KCNU1: variants seen among roughly 807,000 people sequenced by gnomAD.
KCNU1 encodes the protein potassium channel subfamily U member 1.
In KCNU1, 93 loss-of-function variants were observed where a neutral mutation model predicts 126.8. The ratio of observed to expected loss-of-function variants is 0.73; its 90% CI spans 0.62 to 0.87. KCNU1 has a LOEUF of 0.87. Among genes scored for constraint, KCNU1 ranks in the 40% least tolerant of loss-of-function variants. The pLI is 0.00. For synonymous variants in KCNU1, 523 were observed against 494.2 expected, an observed-to-expected ratio of 1.06 and a Z score of -0.77; for missense variants, 1,330 against 1,367.1, an observed-to-expected ratio of 0.97 and a Z score of 0.43.
chr8:36,795,946 C>G (rs913633474), intron 2 of KCNU1: 3 of 152,242 alleles, frequency 2.0e-5, no homozygotes, highest in Non-Finnish European at 4.4e-5. Context: ...TCTTGCACAG[C>G]CTTCACCATG....
At chr8:36,934,375 G>A (rs1808792385) in intron 26 of KCNU1, among the ~76,000 whole-genome samples, 1 of 151,976 alleles carries the variant, frequency 6.6e-6, no homozygotes, top group African/African-American at 2.4e-5. Context: ...TCTGATGGAT[G>A]GGGAAGGAAG....
At chr8:36,816,171 G>A (rs1245553934) in intron 9 of KCNU1, among the ~76,000 whole-genome samples, 1 of 152,152 alleles carries the variant, frequency 6.6e-6, no homozygotes, top group Non-Finnish European at 1.5e-5. Flanking sequence ...ATGAGGATTT[G>A]CCAGCATGAG....
chr8:36,929,426 CA>C (rs1428477721), intron 24 of KCNU1, among the ~76,000 whole-genome samples: 3 of 115,802 alleles, frequency 2.6e-5, no homozygotes, highest in African/African-American at 5.7e-5. Context: ...AACAAACAAA[CA>C]AAAAAAAACC....
intron 25 of KCNU1, 139 bp downstream of exon 25, chr8:36,931,284 A>G (rs1484132740): frequency 4.0e-6 from 2 of 495,328 alleles, no homozygotes; most frequent in African/African-American, 4.0e-5. Flanking sequence ...AAAGAATACA[A>G]GTTTATATTA....
At chr8:36,799,214 G>T (rs1350636687) in intron 2 of KCNU1, among the ~76,000 whole-genome samples, 1 of 152,098 alleles carries the variant, frequency 6.6e-6, no homozygotes, top group East Asian at 1.9e-4. Flanking sequence ...TTAGAAAGGA[G>T]AATTACAAAG....
chr8:36,914,684 A>C (rs796499001), intron 22 of KCNU1, among the ~76,000 whole-genome samples: 8 of 152,254 alleles, frequency 5.3e-5, no homozygotes, highest in African/African-American at 1.9e-4. Flanking sequence ...GGGAAATTTT[A>C]GGTTTTTCTG....
intron 9 of KCNU1, among the ~76,000 whole-genome samples, chr8:36,816,289 T>C (rs1252521069): frequency 1.3e-5 from 2 of 152,186 alleles, no homozygotes; most frequent in Non-Finnish European, 2.9e-5. Context: ...TTTTATATTA[T>C]TTCTTCTTGG....
intron 22 of KCNU1, among the ~76,000 whole-genome samples, chr8:36,914,758 A>G (rs1808032493): frequency 6.6e-6 from 1 of 152,212 alleles, no homozygotes; most frequent in Non-Finnish European, 1.5e-5. Flanking sequence ...TAGGTACTGA[A>G]CTAAATAATC....
chr8:36,823,896 G>C (rs996934445), intron 10 of KCNU1, among the ~76,000 whole-genome samples: 2 of 146,744 alleles, frequency 1.4e-5, no homozygotes, highest in African/African-American at 5.1e-5. Context: ...GTAGTGCAAT[G>C]GTGCGATCTC....
At chr8:36,900,198 G>A (rs1807359623) in intron 19 of KCNU1, among the ~76,000 whole-genome samples, 1 of 152,124 alleles carries the variant, frequency 6.6e-6, no homozygotes. Flanking sequence ...TCATGGAAAA[G>A]GAAGGAATCG....
intron 2 of KCNU1, among the ~76,000 whole-genome samples, chr8:36,788,480 G>A (rs1802790290): frequency 6.6e-6 from 1 of 152,166 alleles, no homozygotes; most frequent in South Asian, 2.1e-4. Flanking sequence ...GGGGTATGCT[G>A]CCATCAGTTG....
intron 10 of KCNU1, among the ~76,000 whole-genome samples, chr8:36,818,838 A>G (rs1009174484): frequency 6.6e-6 from 1 of 152,206 alleles, no homozygotes; most frequent in Non-Finnish European, 1.5e-5. Context: ...GAAGCACTCT[A>G]TGATGTTACT....
chr8:36,883,570 G>C (rs77184988), intron 19 of KCNU1, among the ~76,000 whole-genome samples: 2 of 152,210 alleles, frequency 1.3e-5, no homozygotes, highest in South Asian at 2.1e-4. Context: ...GATCACTTGA[G>C]CCCAGGAGTT....
Position 36,897,454 on chromosome 8 carries a change from G to C in KCNU1, c.2010-8254G>C, listed in dbSNP as rs189274285. Among the ~76,000 whole-genome samples the C allele has an allele frequency of 1.9e-4, 29 of 152,070 alleles. No individual in the cohort carries two copies. The East Asian group carries it at 5.4e-3, about 28-fold the overall frequency. On this transcript the variant is annotated intron_variant, in intron 19 of 26. Coordinates refer to ENST00000399881, the MANE Select transcript of KCNU1 (RefSeq NM_001031836.3). ...AAGTGGAACATCTAAATAGTTTCTTGATGCAACAGGTCTTAGCTTCAAGGA... is the reference window on the plus strand; with the variant it reads ...AAGTGGAACATCTAAATAGTTTCTTCATGCAACAGGTCTTAGCTTCAAGGA...
chr8:36,811,385 G>T (rs540075333), intron 7 of KCNU1, among the ~76,000 whole-genome samples: 1 of 151,944 alleles, frequency 6.6e-6, no homozygotes. Flanking sequence ...AACAAAACAG[G>T]GTCTATACAG....
At chr8:36,903,115 TC>T (rs1807484092) in intron 19 of KCNU1, among the ~76,000 whole-genome samples, 1 of 152,074 alleles carries the variant, frequency 6.6e-6, no homozygotes, top group Non-Finnish European at 1.5e-5. Context: ...AGTATCCCGT[TC>T]CCCCTACCCT....
rs1390454229 is a variant in KCNU1, at chr8:36,864,465, G to A, written c.1953G>A (p.Gln651=). ...GAATCTCCTCTCGTATATCAGGGCA[G>A]GATTCTCCGCCAAGGGTATCTGCAA... ...LKGISSRISG[Q]DSPPRVSAST... The change falls in exon 19 of 27, where the codon CAG becomes CAA. Residue 651 remains glutamine (Q), a synonymous_variant. Transcript: ENST00000399881. 1 of 1,613,280 alleles carries A rather than the reference G, an allele frequency of 6.2e-7. No individual in the cohort carries two copies. Among genetic ancestry groups the A allele is most frequent in the East Asian group, 2.2e-5 (1 of 44,838 alleles).
intron 7 of KCNU1, among the ~76,000 whole-genome samples, chr8:36,813,410 T>C (rs1803793478): frequency 6.6e-6 from 1 of 151,720 alleles, no homozygotes; most frequent in Admixed American, 6.6e-5. Flanking sequence ...CTAGAAAATA[T>C]GTGAGCTGAG....
intron 7 of KCNU1, among the ~76,000 whole-genome samples, chr8:36,811,341 G>A (rs763884200): frequency 1.3e-5 from 2 of 151,892 alleles, no homozygotes; most frequent in East Asian, 1.9e-4. Context: ...GAGCAGTTAC[G>A]GACGTCCTGG....
Sources: gnomAD v4.1 joint callset for allele counts (sites outside exome capture counted in the v4.1 genomes callset) on GRCh38, gnomAD v4.1.1 for gene constraint, MANE v1.5 for transcripts, NCBI Gene and HGNC (gene_info 2026-07-23, HGNC 2026-07-21) for gene names.